Variants in PLCB4 observed in about 807,000 individuals in gnomAD.
PLCB4 encodes the protein 1-phosphatidylinositol 4,5-bisphosphate phosphodiesterase beta-4.
Under a neutral mutation model 178.8 loss-of-function variants are expected in PLCB4, and 77 were observed. That is an observed-to-expected ratio of 0.43 (90% CI 0.36 to 0.52). PLCB4 has a LOEUF of 0.52. PLCB4 is among the 20% of genes least tolerant of loss of function. The pLI is 0.00. For synonymous variants in PLCB4, 496 were observed against 490.8 expected, an observed-to-expected ratio of 1.01 and a Z score of -0.14; for missense variants, 1,024 against 1,453.4, an observed-to-expected ratio of 0.70 and a Z score of 4.80.
intron 2 of PLCB4, among the ~76,000 whole-genome samples, chr20:9,160,934 G>A (rs2092878110): frequency 6.6e-6 from 1 of 152,280 alleles, no homozygotes; most frequent in East Asian, 1.9e-4. Context: ...TGCTAGAGAG[G>A]AGAAGTGCTT....
intron 27 of PLCB4, among the ~76,000 whole-genome samples, chr20:9,421,974 G>A (rs191821277): frequency 6.6e-4 from 100 of 152,146 alleles, no homozygotes; most frequent in Admixed American, 1.4e-3. Flanking sequence ...TCCTAATACC[G>A]TATGTTGGAT....
chr20:9,421,508 C>T (rs756344798), intron 27 of PLCB4, 47 bp downstream of exon 27: 1 of 1,521,910 alleles, frequency 6.6e-7, no homozygotes, highest in Non-Finnish European at 9.1e-7. Context: ...ACTTGGGAGC[C>T]ATGTTTTAGT....
chr20:9,324,296 T>C (rs1391539935), intron 4 of PLCB4, among the ~76,000 whole-genome samples: 1 of 151,938 alleles, frequency 6.6e-6, no homozygotes, highest in African/African-American at 2.4e-5. Context: ...CATGGTGGCA[T>C]GCACCTGTAG....
intron 26 of PLCB4, among the ~76,000 whole-genome samples, 163 bp downstream of exon 26, chr20:9,420,072 A>T (rs1268038166): frequency 1.3e-5 from 2 of 152,182 alleles, no homozygotes; most frequent in Admixed American, 1.3e-4. Context: ...TTTTTTCACT[A>T]GTAAAATTAT....
intron 4 of PLCB4, among the ~76,000 whole-genome samples, chr20:9,322,012 A>G (rs1046476223): frequency 2.7e-5 from 4 of 149,760 alleles, no homozygotes; most frequent in Non-Finnish European, 4.4e-5. Flanking sequence ...CAATGGCACA[A>G]TCATAGCTTA....
chr20:9,391,612 C>T (rs1051494562), intron 17 of PLCB4, among the ~76,000 whole-genome samples: 4 of 152,196 alleles, frequency 2.6e-5, no homozygotes, highest in African/African-American at 9.7e-5. Context: ...TCCTTCTTCC[C>T]TCGAACTTGC....
At chr20:9,232,734 C>A (rs962515481) in intron 3 of PLCB4, among the ~76,000 whole-genome samples, 2 of 152,006 alleles carry the variant, frequency 1.3e-5, no homozygotes, top group African/African-American at 4.8e-5. Flanking sequence ...AATATTATTT[C>A]TTTGATGAAA....
chr20:9,229,560 T>C (rs1368108941), intron 3 of PLCB4, among the ~76,000 whole-genome samples: 3 of 152,022 alleles, frequency 2.0e-5, no homozygotes, highest in South Asian at 2.1e-4. Flanking sequence ...CAAGGTTCCA[T>C]TGGAGTTGGA....
chr20:9,281,269 G>A (rs760600285), intron 3 of PLCB4, among the ~76,000 whole-genome samples: 26 of 151,970 alleles, frequency 1.7e-4, no homozygotes, highest in Non-Finnish European at 3.4e-4. Flanking sequence ...ATCACATAAA[G>A]TCTCTATACA....
At chr20:9,199,653 T>C (rs2093517567) in intron 2 of PLCB4, among the ~76,000 whole-genome samples, 2 of 152,198 alleles carry the variant, frequency 1.3e-5, no homozygotes, top group Admixed American at 1.3e-4. Flanking sequence ...TTCTTAGTCT[T>C]GAAACACTAG....
rs367705713 is a variant in PLCB4 at position 9,074,791 on chromosome 20, C to A, written c.-135+5585C>A. On this transcript the variant is annotated intron_variant, in intron 1 of 39. Coordinates refer to ENST00000378473, the MANE Select transcript of PLCB4 (RefSeq NM_001377142.1). ...CCAGGGTATCTGTCTCCCAGCTAGG[C>A]TTTTTTTTTTTTTTTTAAACAAAAC... Among the ~76,000 whole-genome samples, 6 of 64,450 alleles carry A rather than the reference C, an allele frequency of 9.3e-5. No individual in the cohort carries two copies. The South Asian group carries it at 2.2e-3, about 23-fold the overall frequency. 42.3% of individuals were successfully genotyped at this position (64,450 alleles called of 152,430 possible). A position where few individuals can be genotyped will look rare whatever the true frequency, so the allele number is the denominator to read the frequency against.
At chr20:9,411,733 A>G (rs1352674339) in intron 25 of PLCB4, among the ~76,000 whole-genome samples, 1 of 149,884 alleles carries the variant, frequency 6.7e-6, no homozygotes, top group Non-Finnish European at 1.5e-5. Context: ...AAAAAAAAAA[A>G]ACACAACTAT....
chr20:9,294,096 A>G (rs756297080), intron 3 of PLCB4, among the ~76,000 whole-genome samples: 1 of 152,162 alleles, frequency 6.6e-6, no homozygotes, highest in African/African-American at 2.4e-5. Context: ...TGTCAATTGC[A>G]GTTCCTTAAA....
At chr20:9,300,074 T>G (rs1452543090) in intron 3 of PLCB4, among the ~76,000 whole-genome samples, 3 of 152,166 alleles carry the variant, frequency 2.0e-5, no homozygotes, top group African/African-American at 7.2e-5. Context: ...AGCCATTTAT[T>G]TAAAAGCCCT....
intron 3 of PLCB4, among the ~76,000 whole-genome samples, chr20:9,255,528 T>TG (rs2094224906): frequency 6.6e-6 from 1 of 151,990 alleles, no homozygotes; most frequent in Non-Finnish European, 1.5e-5. Context: ...AACTTAGTTT[T>TG]TTTTTTTTTT....
At chr20:9,321,481 T>C (rs1414721832) in intron 4 of PLCB4, among the ~76,000 whole-genome samples, 8 of 152,230 alleles carry the variant, frequency 5.3e-5, no homozygotes, top group African/African-American at 1.7e-4. Context: ...CCGTTTGCAT[T>C]ACTTATTCTA....
intron 2 of PLCB4, among the ~76,000 whole-genome samples, chr20:9,185,720 G>A (rs935770278): frequency 6.6e-5 from 10 of 152,040 alleles, no homozygotes; most frequent in African/African-American, 2.4e-4. Flanking sequence ...TCCTTTTTGC[G>A]TGACCTCATC....
intron 4 of PLCB4, among the ~76,000 whole-genome samples, chr20:9,314,378 T>C (rs984439865): frequency 1.3e-5 from 2 of 152,054 alleles, no homozygotes; most frequent in Non-Finnish European, 2.9e-5. Context: ...CAGTCACACA[T>C]ATGGAGAAAT....
intron 1 of PLCB4, among the ~76,000 whole-genome samples, chr20:9,069,478 C>T (rs2089456188): frequency 6.6e-6 from 1 of 152,112 alleles, no homozygotes; most frequent in African/African-American, 2.4e-5. Flanking sequence ...AGAAATAGCT[C>T]GGCTCGACGT....
Sources: allele counts gnomAD v4.1 joint callset (sites outside exome capture counted in the v4.1 genomes callset), GRCh38; gene constraint gnomAD v4.1.1; transcripts MANE v1.5; gene names NCBI Gene and HGNC (gene_info 2026-07-23, HGNC 2026-07-21).